The following PTPRS variants were observed in gnomAD, a reference collection of about 807,000 sequenced individuals.
PTPRS encodes the protein receptor-type tyrosine-protein phosphatase S.
A neutral mutation model predicts 215.3 loss-of-function variants in PTPRS; 63 were observed. The observed-to-expected ratio is 0.29, with a 90% CI of 0.24 to 0.36. The LOEUF is 0.36. Ranked by LOEUF, PTPRS falls within the 10% of genes least tolerant of loss-of-function variation. The pLI is 1.00. For missense variants in PTPRS, 2,258 were observed against 2,825.8 expected (o/e 0.80, Z 4.56); for synonymous variants, 1,404 against 1,191.4 (o/e 1.18, Z -3.68).
At chr19:5,254,241 C>T (rs1182642472) in intron 9 of PTPRS, among the ~76,000 whole-genome samples, 1 of 152,182 alleles carries the variant, frequency 6.6e-6, no homozygotes, top group Admixed American at 6.5e-5. Context: ...AATCTTACTG[C>T]ATCTAAAGTC....
intron 1 of PTPRS, among the ~76,000 whole-genome samples, chr19:5,326,592 G>A (rs2050173072): frequency 6.6e-6 from 1 of 151,350 alleles, no homozygotes; most frequent in Non-Finnish European, 1.5e-5. Context: ...AGGCTGAGGC[G>A]GGAGGATCGC....
At chr19:5,224,655 C>T (rs1408746440) in intron 17 of PTPRS, among the ~76,000 whole-genome samples, 5 of 152,148 alleles carry the variant, frequency 3.3e-5, no homozygotes, top group Non-Finnish European at 5.9e-5. Flanking sequence ...GGGAGAGCAG[C>T]GTATGCAGTG....
In PTPRS at chr19:5,237,736, C is replaced by T. The variant is rs554784300; in HGVS notation, c.1849+1183G>A. Among the ~76,000 whole-genome samples, 1 of 152,288 alleles carries T rather than the reference C, an allele frequency of 6.6e-6. No homozygotes were observed. The highest frequency in any genetic ancestry group is 1.9e-4 in the East Asian group (1 of 5,160). ...CCAGTCTCTCAGGTGGCTGCCCAAG[C>T]CACAGGCCACCCTCACTGACTCCAC... On this transcript the variant is annotated intron_variant, in intron 13 of 37. Transcript: ENST00000262963. The surrounding 1 kb of genome is among the most constrained non-coding windows in gnomAD (Gnocchi z 4.2).
At chr19:5,276,501 G>A (rs1407454587) in intron 2 of PTPRS, among the ~76,000 whole-genome samples, 1 of 151,052 alleles carries the variant, frequency 6.6e-6, no homozygotes, top group African/African-American at 2.4e-5. Context: ...GGGATTACAG[G>A]TGTGAGCCAC....
chr19:5,225,858 T>TG lies in PTPRS; in HGVS notation c.2377-15dup. On this transcript the variant is annotated splice_polypyrimidine_tract_variant and intron_variant, in intron 16 of 37. Coordinates refer to ENST00000262963, the MANE Select transcript of PTPRS (RefSeq NM_002850.4). ...GATGACCATCTCCTGCAGGCACGGC[T>TG]GGGGGTCAGCACGACGGCTGGGGCT... 2.5e-6 allele frequency: 4 copies of TG among 1,607,710 alleles called. No individual in the cohort carries two copies. Among genetic ancestry groups the TG allele is most frequent in the Non-Finnish European group, 3.4e-6 (4 of 1,174,558 alleles).
rs180741112 is a variant in PTPRS at position 5,272,820 on chromosome 19, G to A, written c.379+622C>T. Among the ~76,000 whole-genome samples, 18 of 152,086 alleles carry A rather than the reference G, an allele frequency of 1.2e-4. No homozygotes were observed. The East Asian group carries it at 3.5e-3, about 29-fold the overall frequency. ...TCCTCCCACCTCAGCCTCCCAAAGT[G>A]CTGGGATTGCAGGTGTGAGCCACCA... is the stretch of plus-strand genomic sequence containing the variant. On this transcript the variant is annotated intron_variant, in intron 4 of 37. Coordinates refer to ENST00000262963, the MANE Select transcript of PTPRS (RefSeq NM_002850.4).
chr19:5,319,900 T>C (rs1294741617), intron 1 of PTPRS, among the ~76,000 whole-genome samples: 1 of 152,088 alleles, frequency 6.6e-6, no homozygotes, highest in Non-Finnish European at 1.5e-5. Flanking sequence ...CCTTTGTTCC[T>C]TTACTGCTTT....
At chr19:5,273,341 A>G (rs1311701729) in intron 4 of PTPRS, 101 bp downstream of exon 4, 1 of 1,563,902 alleles carries the variant, frequency 6.4e-7, no homozygotes, top group Non-Finnish European at 8.8e-7. Context: ...CAAAAAACAC[A>G]AAGCAGGAGG....
intron 4 of PTPRS, among the ~76,000 whole-genome samples, chr19:5,269,475 CCAACTGCCAG>C (rs1341927208): frequency 1.3e-5 from 2 of 152,040 alleles, no homozygotes; most frequent in Non-Finnish European, 2.9e-5. Context: ...TGGTCCCCCA[CCAACTGCCAG>C]GGACTGGCCG....
At chr19:5,335,481 A>G (rs2050465369) in intron 1 of PTPRS, among the ~76,000 whole-genome samples, 1 of 152,168 alleles carries the variant, frequency 6.6e-6, no homozygotes, top group African/African-American at 2.4e-5. Context: ...GAGAACTGAA[A>G]GGGAAGAGGG....
At chr19:5,285,862 T>C (rs899658730) in intron 2 of PTPRS, among the ~76,000 whole-genome samples, 188 bp downstream of exon 2, 1 of 152,188 alleles carries the variant, frequency 6.6e-6, no homozygotes, top group African/African-American at 2.4e-5. Flanking sequence ...ATTATTTATC[T>C]CTGAATCTCT....
chr19:5,286,642 CA>C (rs1245505373), intron 1 of PTPRS, among the ~76,000 whole-genome samples: 1 of 152,142 alleles, frequency 6.6e-6, no homozygotes, highest in Non-Finnish European at 1.5e-5. Flanking sequence ...CACCAGACAC[CA>C]AATCTGTGTT....
chr19:5,236,823 G>A (rs1378267715), intron 13 of PTPRS, among the ~76,000 whole-genome samples: 1 of 148,916 alleles, frequency 6.7e-6, no homozygotes, highest in Non-Finnish European at 1.5e-5. Flanking sequence ...CCCGGGGGGT[G>A]CGGGGAATCA....
At chr19:5,260,975 G>A (rs1015528897) in intron 6 of PTPRS, among the ~76,000 whole-genome samples, 153 bp from the exon 7 acceptor site, 2 of 152,242 alleles carry the variant, frequency 1.3e-5, no homozygotes, top group African/African-American at 2.4e-5. Context: ...CGGACCCTGC[G>A]GGCTTTGCTG....
intron 9 of PTPRS, among the ~76,000 whole-genome samples, chr19:5,254,544 AAG>A (rs1306062266): frequency 2.0e-5 from 3 of 152,062 alleles, no homozygotes; most frequent in Non-Finnish European, 2.9e-5. Flanking sequence ...CACAGAGAGA[AAG>A]AGAGTTGAAA....
chr19:5,320,816 G>T (rs2050006044), intron 1 of PTPRS, among the ~76,000 whole-genome samples: 1 of 152,140 alleles, frequency 6.6e-6, no homozygotes, highest in African/African-American at 2.4e-5. Context: ...ATCCTCCCAA[G>T]GGAGCCTGGA....
intron 11 of PTPRS, 102 bp downstream of exon 11, chr19:5,243,799 G>T: frequency 2.9e-6 from 3 of 1,033,860 alleles, no homozygotes; most frequent in Non-Finnish European, 4.0e-6. Context: ...ATATCTTAAA[G>T]CACCGTGCAT....
At chr19:5,220,969 C>G (rs1351285447) in intron 20 of PTPRS, 31 bp downstream of exon 20, 4 of 1,576,250 alleles carry the variant, frequency 2.5e-6, no homozygotes, top group Non-Finnish European at 3.5e-6. Context: ...ATGGGGGTGA[C>G]AAGGAACCCG....
At chr19:5,230,983 A>AT (rs1301034094) in intron 14 of PTPRS, among the ~76,000 whole-genome samples, 5 of 152,190 alleles carry the variant, frequency 3.3e-5, no homozygotes, top group African/African-American at 1.2e-4. Flanking sequence ...TGATCAGCAC[A>AT]TTGTTGTTGC....
Sources: gnomAD v4.1 joint callset for allele counts (sites outside exome capture counted in the v4.1 genomes callset) on GRCh38, gnomAD v4.1.1 for gene constraint, Gnocchi (gnomAD v3.1) non-coding constraint, MANE v1.5 for transcripts, NCBI Gene and HGNC (gene_info 2026-07-23, HGNC 2026-07-21) for gene names.